DENND1A: variants seen among roughly 807,000 people sequenced by gnomAD.
The protein encoded by DENND1A is DENN domain containing 1A.
Under a neutral mutation model 113.7 loss-of-function variants are expected in DENND1A, and 51 were observed. The observed-to-expected ratio is 0.45, with a 90% CI of 0.36 to 0.57. The LOEUF (loss-of-function observed/expected upper bound fraction) is 0.57, where lower values mean the gene tolerates loss of function less well. Ranked by LOEUF, DENND1A falls within the 20% of genes least tolerant of loss-of-function variation. DENND1A has a pLI of 0.00. For synonymous variants in DENND1A, 565 were observed against 570.8 expected (o/e 0.99, Z 0.14); for missense variants, 1,258 against 1,395.9 (o/e 0.90, Z 1.57).
At chr9:123,713,625 C>T (rs753513936) in intron 5 of DENND1A, among the ~76,000 whole-genome samples, 1 of 151,942 alleles carries the variant, frequency 6.6e-6, no homozygotes, top group Non-Finnish European at 1.5e-5. Flanking sequence ...TATGATGGCA[C>T]TGAAACCTAC....
chr9:123,654,100 T>G (rs532789573), intron 8 of DENND1A, among the ~76,000 whole-genome samples: 1 of 152,132 alleles, frequency 6.6e-6, no homozygotes, highest in Admixed American at 6.5e-5. Context: ...AGTCAACCAG[T>G]GTATCTTGGT....
chr9:123,767,675 C>T (rs1829044377), intron 4 of DENND1A, among the ~76,000 whole-genome samples: 1 of 152,032 alleles, frequency 6.6e-6, no homozygotes, highest in Admixed American at 6.5e-5. Context: ...CACACACACA[C>T]CTGCACATGT....
At chr9:123,825,441 A>G (rs549872003) in intron 2 of DENND1A, among the ~76,000 whole-genome samples, 53 of 152,306 alleles carry the variant, frequency 3.5e-4, no homozygotes, top group Non-Finnish European at 5.0e-4. Flanking sequence ...GTGTCAACAG[A>G]AAATTTTCAA....
At chr9:123,884,401 T>C (rs1370634364) in intron 1 of DENND1A, among the ~76,000 whole-genome samples, 1 of 152,226 alleles carries the variant, frequency 6.6e-6, no homozygotes, top group Non-Finnish European at 1.5e-5. Context: ...CACTTCATGA[T>C]ACATCTTAAG....
chr9:123,917,304 T>C (rs1855337118), intron 1 of DENND1A, among the ~76,000 whole-genome samples: 1 of 152,090 alleles, frequency 6.6e-6, no homozygotes, highest in African/African-American at 2.4e-5. Context: ...CCCAGTGAAA[T>C]ATACCCTAAC....
At chr9:123,822,101 T>C (rs1564339823) in intron 2 of DENND1A, among the ~76,000 whole-genome samples, 1 of 152,264 alleles carries the variant, frequency 6.6e-6, no homozygotes. Context: ...CTTCCTTTTG[T>C]CTGGGTCTGG....
intron 3 of DENND1A, among the ~76,000 whole-genome samples, chr9:123,775,828 T>C (rs1200687865): frequency 1.3e-5 from 2 of 152,306 alleles, no homozygotes; most frequent in African/African-American, 4.8e-5. Context: ...TCTCACTCCT[T>C]TTACAACACA....
intron 2 of DENND1A, among the ~76,000 whole-genome samples, chr9:123,837,562 G>A (rs540615289): frequency 1.3e-5 from 2 of 151,934 alleles, no homozygotes; most frequent in East Asian, 1.9e-4. Context: ...GAATAAAAAC[G>A]TTATACATAT....
At chr9:123,903,763 A>G (rs1852192871) in intron 1 of DENND1A, among the ~76,000 whole-genome samples, 1 of 152,186 alleles carries the variant, frequency 6.6e-6, no homozygotes, top group South Asian at 2.1e-4. Flanking sequence ...GCAGTCTGAG[A>G]TCAAACAGCA....
intron 1 of DENND1A, among the ~76,000 whole-genome samples, chr9:123,887,165 T>C (rs1283766873): frequency 6.6e-6 from 1 of 152,164 alleles, no homozygotes; most frequent in Non-Finnish European, 1.5e-5. Flanking sequence ...TATCTCATTA[T>C]CAATAAACAT....
chr9:123,697,087 A>T (rs2065569983), intron 5 of DENND1A, among the ~76,000 whole-genome samples: 1 of 152,148 alleles, frequency 6.6e-6, no homozygotes. Flanking sequence ...CCAAATTCTA[A>T]CATGGTGAAG....
intron 7 of DENND1A, 56 bp from the exon 8 acceptor site, chr9:123,667,135 TA>T: frequency 6.7e-7 from 1 of 1,503,286 alleles, no homozygotes; most frequent in Non-Finnish European, 9.0e-7. Flanking sequence ...ACAATTGCAT[TA>T]CTCAGAATTC....
intron 13 of DENND1A, among the ~76,000 whole-genome samples, chr9:123,537,713 T>A (rs1258891743): frequency 2.0e-5 from 3 of 151,702 alleles, no homozygotes; most frequent in East Asian, 1.9e-4. Flanking sequence ...AAATTGAGAT[T>A]ATCATTAACT....
intron 2 of DENND1A, among the ~76,000 whole-genome samples, chr9:123,830,992 G>C (rs547323227): frequency 5.3e-5 from 8 of 151,176 alleles, no homozygotes; most frequent in Non-Finnish European, 7.4e-5. Flanking sequence ...AGAAAGGAAG[G>C]CATAAGGATT....
chr9:123,715,196 A>G (rs1174872714), intron 5 of DENND1A, among the ~76,000 whole-genome samples: 2 of 152,044 alleles, frequency 1.3e-5, no homozygotes, highest in Non-Finnish European at 2.9e-5. Flanking sequence ...AAATAATAAT[A>G]ATAATAAAAA....
At chr9:123,384,702 C>G (rs2042465674) in intron 22 of DENND1A, among the ~76,000 whole-genome samples, 1 of 152,206 alleles carries the variant, frequency 6.6e-6, no homozygotes, top group Non-Finnish European at 1.5e-5. Flanking sequence ...AATCCCAGCA[C>G]TTTGGGAGGC....
intron 3 of DENND1A, among the ~76,000 whole-genome samples, chr9:123,787,829 T>C (rs940365101): frequency 1.3e-5 from 2 of 152,216 alleles, no homozygotes; most frequent in Non-Finnish European, 2.9e-5. Flanking sequence ...ACATTGCTTA[T>C]AGAGCTTGTA....
chr9:123,610,460 A>G (rs1393912038), intron 10 of DENND1A, among the ~76,000 whole-genome samples: 1 of 152,208 alleles, frequency 6.6e-6, no homozygotes, highest in African/African-American at 2.4e-5. Context: ...TTGATTCCCA[A>G]GTATGCATTT....
intron 13 of DENND1A, among the ~76,000 whole-genome samples, chr9:123,479,475 T>C (rs949591072): frequency 6.6e-6 from 1 of 152,246 alleles, no homozygotes; most frequent in African/African-American, 2.4e-5. Flanking sequence ...TCCCAATCAC[T>C]ACCTCATTTA....
Sources: gnomAD v4.1 joint callset for allele counts (sites outside exome capture counted in the v4.1 genomes callset) on GRCh38, gnomAD v4.1.1 for gene constraint, MANE v1.5 for transcripts, NCBI Gene and HGNC (gene_info 2026-07-23, HGNC 2026-07-21) for gene names.